Variants in SPTBN1 observed in about 807,000 individuals in gnomAD.
SPTBN1 encodes spectrin beta chain, non-erythrocytic 1.
Under a neutral mutation model 266.4 loss-of-function variants are expected in SPTBN1, and 32 were observed. The observed-to-expected ratio is 0.12, with a 90% CI of 0.09 to 0.16. The LOEUF is 0.16. Among genes scored for constraint, SPTBN1 ranks in the 10% least tolerant of loss-of-function variants. The pLI, the probability that SPTBN1 is intolerant of heterozygous loss-of-function variation, is 1.00. For missense variants in SPTBN1, 2,296 were observed against 3,067.1 expected, an observed-to-expected ratio of 0.75 and a Z score of 5.94; for synonymous variants, 1,336 against 1,162.2, an observed-to-expected ratio of 1.15 and a Z score of -3.04.
chr2:54,632,853 T>C, intron 17 of SPTBN1, 85 bp downstream of exon 17: 3 of 1,474,670 alleles, frequency 2.0e-6, no homozygotes, highest in Non-Finnish European at 2.8e-6. Flanking sequence ...CCTTGGGAGT[T>C]TAGGTATAAA....
chr2:54,546,248 G>A (rs144353994), intron 2 of SPTBN1, among the ~76,000 whole-genome samples: 17 of 152,252 alleles, frequency 1.1e-4, no homozygotes, highest in African/African-American at 2.6e-4. Flanking sequence ...AAAATTATTC[G>A]TAACAGCAAA....
rs181384110 is a variant in SPTBN1 at position 54,669,803 on chromosome 2, A to C, written c.*1234A>C. 3 of 152,454 alleles carry C rather than the reference A, an allele frequency of 2.0e-5. No homozygotes were observed. The East Asian group carries it at 5.8e-4, about 29-fold the overall frequency. The allele number at this position is 152,454 out of a possible 1,614,324, so 9.4% of individuals were successfully genotyped here. A position where few individuals can be genotyped will look rare whatever the true frequency, so the allele number is the denominator to read the frequency against. On this transcript the variant is annotated 3_prime_UTR_variant, in exon 36 of 36. Transcript: ENST00000356805. ...GGGCTCACTTTTGCATTTTTTATGC[A>C]TGTCTGGTGCACAAGCTTTGAAAAC...
intron 1 of SPTBN1, among the ~76,000 whole-genome samples, chr2:54,490,051 TG>T (rs1271351915): frequency 2.0e-5 from 3 of 151,680 alleles, no homozygotes; most frequent in Non-Finnish European, 4.4e-5. Flanking sequence ...GCTGGAGTGA[TG>T]ACAGAGAATG....
chr2:54,659,348 A>G, intron 31 of SPTBN1, 82 bp downstream of exon 31: 2 of 1,366,714 alleles, frequency 1.5e-6, no homozygotes, highest in Admixed American at 1.7e-5. Flanking sequence ...GAAGCCTTGC[A>G]TTGCTAGGCC....
intron 2 of SPTBN1, chr2:54,557,953 C>T: frequency 1.0e-6 from 1 of 985,062 alleles, no homozygotes; most frequent in South Asian, 4.7e-5. Context: ...CGCGCGCGCC[C>T]AGGTGCGGGC....
chr2:54,475,239 G>A (rs1318848128), intron 1 of SPTBN1, among the ~76,000 whole-genome samples: 8 of 152,196 alleles, frequency 5.3e-5, no homozygotes, highest in Admixed American at 3.3e-4. Flanking sequence ...TGTATCCCTT[G>A]CAAACGGTTA....
At chr2:54,515,185 G>C (rs932427300) in intron 1 of SPTBN1, among the ~76,000 whole-genome samples, 1 of 152,102 alleles carries the variant, frequency 6.6e-6, no homozygotes, top group Non-Finnish European at 1.5e-5. Context: ...CAAGAGGACA[G>C]CTTCAACTCT....
At chr2:54,529,324 C>A in intron 2 of SPTBN1, 1 of 534,668 alleles carries the variant, frequency 1.9e-6, no homozygotes, top group Non-Finnish European at 3.5e-6. Context: ...CTCAAAGATA[C>A]ACTTGAGACC....
At chr2:54,461,518 G>C (rs540062659) in intron 1 of SPTBN1, among the ~76,000 whole-genome samples, 2 of 152,336 alleles carry the variant, frequency 1.3e-5, no homozygotes, top group South Asian at 4.1e-4. Flanking sequence ...CCTTAGTAGA[G>C]AATGTAGAAC....
At chr2:54,562,886 T>A (rs1407258130) in intron 2 of SPTBN1, among the ~76,000 whole-genome samples, 1 of 152,196 alleles carries the variant, frequency 6.6e-6, no homozygotes, top group African/African-American at 2.4e-5. Context: ...TTAAATACTA[T>A]GCCTGCATTC....
At chr2:54,485,896 G>A (rs1668348552) in intron 1 of SPTBN1, among the ~76,000 whole-genome samples, 2 of 151,518 alleles carry the variant, frequency 1.3e-5, no homozygotes, top group Non-Finnish European at 2.9e-5. Flanking sequence ...CGTCTGGGAG[G>A]TGAGGAGCGT....
At chr2:54,547,353 C>A (rs1672305355) in intron 2 of SPTBN1, among the ~76,000 whole-genome samples, 1 of 152,114 alleles carries the variant, frequency 6.6e-6, no homozygotes, top group Non-Finnish European at 1.5e-5. Flanking sequence ...TTTTGTTTAT[C>A]CATTCATCCA....
intron 1 of SPTBN1, among the ~76,000 whole-genome samples, chr2:54,522,697 G>GAGAGAGAGAAAGAGAAAGAGAAAGAA (rs1553439438): frequency 1.0e-5 from 1 of 97,270 alleles, no homozygotes; most frequent in African/African-American, 4.1e-5. Context: ...GAGAGAGAGA[G>GAGAGAGAGAAAGAGAAAGAGAAAGAA]AGAAAGAAAG....
At chr2:54,660,470 T>G (rs1680960711) in intron 32 of SPTBN1, 6 of 994,420 alleles carry the variant, frequency 6.0e-6, no homozygotes, top group Non-Finnish European at 7.2e-6. Flanking sequence ...CCTTTACAGA[T>G]GTTATTAACC....
At chr2:54,603,871 C>G (rs1676663080) in intron 3 of SPTBN1, among the ~76,000 whole-genome samples, 2 of 152,186 alleles carry the variant, frequency 1.3e-5, no homozygotes, top group Admixed American at 1.3e-4. Context: ...CACTGATTTG[C>G]TGAGATCAGT....
Position 54,664,641 on chromosome 2 carries a change from C to T in SPTBN1, c.6609C>T (p.Phe2203=), listed in dbSNP as rs200349921. 2 of 1,614,200 alleles carry T rather than the reference C, an allele frequency of 1.2e-6. No homozygotes were observed. The highest frequency in any genetic ancestry group is 1.3e-5 in the African/African-American group (1 of 75,048). Residue 2203 remains phenylalanine, a synonymous_variant, in exon 33 of 36, where the codon TTC becomes TTT. Coordinates refer to ENST00000356805, the MANE Select transcript of SPTBN1 (RefSeq NM_003128.3). The surrounding 1 kb of genome is among the most constrained non-coding windows in gnomAD (Gnocchi z 5.6). The part of the protein sequence containing the change: ...QETPSAQMEG[F]LNRKHEWEAH... ...CACCTTCGGCCCAGATGGAAGGCTTCCTCAATCGGAAACACGAGTGGGAGG... is the reference window on the plus strand; with the variant it reads ...CACCTTCGGCCCAGATGGAAGGCTTTCTCAATCGGAAACACGAGTGGGAGG...
intron 2 of SPTBN1, among the ~76,000 whole-genome samples, chr2:54,590,982 A>T (rs1675642238): frequency 6.6e-6 from 1 of 152,192 alleles, no homozygotes. Flanking sequence ...AAGGCAGGGG[A>T]GTTCAGTTGG....
intron 2 of SPTBN1, among the ~76,000 whole-genome samples, chr2:54,582,596 C>T (rs940697843): frequency 7.3e-5 from 11 of 151,260 alleles, no homozygotes; most frequent in Non-Finnish European, 1.5e-5. Context: ...ATGGAGGATT[C>T]TTTCTGATGA....
rs568560315 is a variant in SPTBN1 at position 54,485,885 on chromosome 2, C to G, written c.-48+29367C>G. On this transcript the variant is annotated intron_variant, in intron 1 of 35. Coordinates refer to ENST00000356805, the MANE Select transcript of SPTBN1 (RefSeq NM_003128.3). ...AGGAGCGCCTCTGCCCGGCCGCGAC[C>G]CGTCTGGGAGGTGAGGAGCGTCTCT... 1.5e-4 allele frequency among the ~76,000 whole-genome samples: 22 copies of G among 150,834 alleles called. No homozygotes were observed. In the East Asian group the frequency reaches 4.1e-3, roughly 28 times the overall value.
Sources: allele counts gnomAD v4.1 joint callset (sites outside exome capture counted in the v4.1 genomes callset), GRCh38; gene constraint gnomAD v4.1.1; non-coding constraint Gnocchi (gnomAD v3.1); transcripts MANE v1.5; gene names NCBI Gene and HGNC (gene_info 2026-07-23, HGNC 2026-07-21).